The following DPH5 variants were observed in gnomAD, a reference collection of about 807,000 sequenced individuals.
The protein encoded by DPH5 is diphthamide biosynthesis 5, also known as diphthine methyl ester synthase.
DPH5 carries 31 observed loss-of-function variants against 31.6 expected under a neutral mutation model. The ratio of observed to expected loss-of-function variants is 0.98; its 90% CI spans 0.74 to 1.32. The LOEUF (loss-of-function observed/expected upper bound fraction) is 1.32. DPH5 is among the 40% of genes most tolerant of loss of function. The pLI, the probability that DPH5 is intolerant of heterozygous loss-of-function variation, is 0.00. For synonymous variants in DPH5, 120 were observed against 115.0 expected, an observed-to-expected ratio of 1.04 and a Z score of -0.28; for missense variants, 309 against 335.7, an observed-to-expected ratio of 0.92 and a Z score of 0.62.
Position 100,990,631 on chromosome 1 carries a change from G to A in DPH5, c.635C>T (p.Ala212Val). Residue 212 changes from alanine to valine, a missense_variant and splice_region_variant, in exon 8 of 8, where the codon GCA becomes GTA. Physicochemically the swap from Ala to Val is moderately conservative, Grantham distance 64. Coordinates refer to ENST00000370109, the MANE Select transcript of DPH5 (RefSeq NM_015958.3). ...AACACAAAGTGTCTCCTCGGTAACT[G>A]CTATTAAAAAAAAAAGATACTGCTA... ...QNQRIRGEEP[A>V]VTEETLCVGL... The A allele has an allele frequency of 6.2e-7, 1 of 1,610,828 alleles. No individual in the cohort carries two copies. The highest frequency in any genetic ancestry group is 8.5e-7 in the Non-Finnish European group (1 of 1,179,050).
At chr1:101,016,794 T>C (rs564803005) in intron 3 of DPH5, among the ~76,000 whole-genome samples, 4 of 152,244 alleles carry the variant, frequency 2.6e-5, no homozygotes, top group Non-Finnish European at 5.9e-5. Flanking sequence ...TGATTCAAAG[T>C]GAGAGACATG....
chr1:100,990,974 A>G (rs1657639899), intron 7 of DPH5, among the ~76,000 whole-genome samples: 1 of 152,244 alleles, frequency 6.6e-6, no homozygotes, highest in Non-Finnish European at 1.5e-5. Context: ...CAGGTTTTTA[A>G]TAACTTGCTT....
At chr1:101,002,830 T>C (rs149934248) in intron 4 of DPH5, among the ~76,000 whole-genome samples, 40 of 150,186 alleles carry the variant, frequency 2.7e-4, no homozygotes, top group African/African-American at 9.8e-4. Flanking sequence ...CTCAGCAAGA[T>C]ATGAGGGGAA....
intron 4 of DPH5, among the ~76,000 whole-genome samples, chr1:101,010,817 G>C (rs937808404): frequency 1.3e-5 from 2 of 152,030 alleles, no homozygotes; most frequent in African/African-American, 4.8e-5. Flanking sequence ...TTCCAATCCT[G>C]CCATGCCAAA....
intron 3 of DPH5, 96 bp from the exon 4 acceptor site, chr1:101,013,914 A>G: frequency 2.2e-6 from 2 of 892,564 alleles, no homozygotes; most frequent in Middle Eastern, 4.7e-4. Context: ...AAGAGGCAGG[A>G]GCACTGCCTT....
At chr1:101,002,459 T>C (rs1320916174) in intron 4 of DPH5, among the ~76,000 whole-genome samples, 1 of 152,228 alleles carries the variant, frequency 6.6e-6, no homozygotes, top group Non-Finnish European at 1.5e-5. Context: ...AGGATCATAT[T>C]ACATGTAAAA....
intron 4 of DPH5, among the ~76,000 whole-genome samples, chr1:101,009,375 T>A (rs1227971138): frequency 6.6e-6 from 1 of 152,136 alleles, no homozygotes; most frequent in African/African-American, 2.4e-5. Context: ...TATAGACAAG[T>A]CTTTGGGGGT....
intron 5 of DPH5, among the ~76,000 whole-genome samples, chr1:100,999,954 C>T (rs1049198901): frequency 1.6e-4 from 24 of 151,952 alleles, no homozygotes; most frequent in African/African-American, 5.8e-4. Context: ...ACCACCCTGG[C>T]TAACATGGTG....
At chr1:100,999,432 A>G (rs1658671246) in intron 5 of DPH5, among the ~76,000 whole-genome samples, 1 of 152,260 alleles carries the variant, frequency 6.6e-6, no homozygotes, top group Non-Finnish European at 1.5e-5. Context: ...CCTGGGAGAC[A>G]GAGCGAGACC....
At chr1:101,024,833 G>C (rs77908072) in intron 2 of DPH5, 2 of 157,282 alleles carry the variant, frequency 1.3e-5, no homozygotes, top group African/African-American at 4.8e-5. Context: ...GCCTTATTGG[G>C]AGATAGTCTA....
At chr1:100,995,620 A>C (rs906893300) in intron 5 of DPH5, 2 of 156,290 alleles carry the variant, frequency 1.3e-5, no homozygotes, top group Admixed American at 1.2e-4. Context: ...AATTCTAAGT[A>C]TTCATGCTTT....
At chr1:101,013,003 TC>T (rs1014250102) in intron 4 of DPH5, among the ~76,000 whole-genome samples, 10 of 152,334 alleles carry the variant, frequency 6.6e-5, no homozygotes, top group Admixed American at 5.2e-4. Context: ...CATGTTGTTT[TC>T]CTATTATGAT....
chr1:101,011,230 G>A (rs34915449), intron 4 of DPH5, among the ~76,000 whole-genome samples: 42,111 of 151,960 alleles, frequency 0.28, 6,081 homozygotes, highest in African/African-American at 0.35. Context: ...TGCTTTTTAT[G>A]TTAAAAAACT....
intron 2 of DPH5, among the ~76,000 whole-genome samples, chr1:101,023,717 G>A (rs2101319487): frequency 6.6e-6 from 1 of 152,328 alleles, no homozygotes; most frequent in South Asian, 2.1e-4. Context: ...GTTCAGAGAA[G>A]TTTGGAAATG....
intron 4 of DPH5, among the ~76,000 whole-genome samples, chr1:101,002,518 C>A (rs1177002394): frequency 6.6e-6 from 1 of 152,118 alleles, no homozygotes; most frequent in East Asian, 1.9e-4. Flanking sequence ...CTTATCTCAG[C>A]ACTGAGCAAA....
chr1:101,020,057 A>G (rs1332578880), intron 3 of DPH5, among the ~76,000 whole-genome samples: 2 of 152,212 alleles, frequency 1.3e-5, no homozygotes, highest in African/African-American at 2.4e-5. Context: ...GAGAAAAAAG[A>G]AAGACTTCAA....
intron 3 of DPH5, among the ~76,000 whole-genome samples, chr1:101,018,779 A>G (rs1033492139): frequency 6.6e-5 from 10 of 152,202 alleles, no homozygotes; most frequent in African/African-American, 1.9e-4. Flanking sequence ...AGGATCTACC[A>G]TAAGGAAACA....
chr1:100,995,256 C>A, intron 5 of DPH5, 107 bp from the exon 6 acceptor site: 1 of 636,736 alleles, frequency 1.6e-6, no homozygotes. Flanking sequence ...AACACTCTTC[C>A]CTCACATTTT....
intron 5 of DPH5, among the ~76,000 whole-genome samples, chr1:100,997,476 T>C (rs895737768): frequency 2.0e-5 from 3 of 152,128 alleles, no homozygotes; most frequent in South Asian, 2.1e-4. Flanking sequence ...CACCATTCTC[T>C]TGTCTCAGCC....
Sources: gnomAD v4.1 joint callset for allele counts (sites outside exome capture counted in the v4.1 genomes callset) on GRCh38, gnomAD v4.1.1 for gene constraint, MANE v1.5 for transcripts, NCBI Gene and HGNC (gene_info 2026-07-23, HGNC 2026-07-21) for gene names.